PCDH7: variants seen among roughly 807,000 people sequenced by gnomAD.
The protein encoded by PCDH7 is protocadherin-7.
In PCDH7, 17 loss-of-function variants were observed where a neutral mutation model predicts 58.9. That is an observed-to-expected ratio of 0.29 (90% CI 0.20 to 0.43). PCDH7 has a LOEUF of 0.43. Among genes scored for constraint, PCDH7 ranks in the 20% least tolerant of loss-of-function variants. The probability of loss-of-function intolerance (pLI) is 1.00; values close to 1 mark genes in which losing one functional copy is unlikely to be tolerated. For synonymous variants in PCDH7, 664 were observed against 616.4 expected, an observed-to-expected ratio of 1.08 and a Z score of -1.14; for missense variants, 1,274 against 1,441.0, an observed-to-expected ratio of 0.88 and a Z score of 1.88.
chr4:31,097,520 G>A lies in PCDH7; in HGVS notation c.*8-44953G>A, dbSNP rs145571351. 6.5e-5 allele frequency among the ~76,000 whole-genome samples: 8 copies of A among 123,708 alleles called. 1 individual carries two copies. The highest frequency in any genetic ancestry group is 2.7e-4 in the South Asian group (1 of 3,740). 81.2% of individuals were successfully genotyped at this position (123,708 alleles called of 152,430 possible). The stretch of plus-strand genomic sequence containing the variant: ...AGAAAGAAAGAAAGAGAGAAAGAAA[G>A]AAGAAAGAAAGAAAGAAAGAAAGAT... On this transcript the variant is annotated intron_variant, in intron 3 of 3. Transcript: ENST00000509759.
At chr4:31,026,856 A>G (rs6448734) in intron 3 of PCDH7, among the ~76,000 whole-genome samples, 52,179 of 152,086 alleles carry the variant, frequency 0.34, 11,737 homozygotes, top group African/African-American at 0.63. Context: ...AAAGAAATGC[A>G]TTCAGTGATG....
intron 3 of PCDH7, among the ~76,000 whole-genome samples, chr4:30,976,945 G>A (rs2109480596): frequency 6.6e-6 from 1 of 152,226 alleles, no homozygotes; most frequent in African/African-American, 2.4e-5. Context: ...CATTTACCCA[G>A]TTGTCTCATA....
chr4:30,774,846 A>G (rs1258535377), intron 1 of PCDH7, among the ~76,000 whole-genome samples: 1 of 152,196 alleles, frequency 6.6e-6, no homozygotes, highest in Non-Finnish European at 1.5e-5. Context: ...TTCTTAATCT[A>G]TAGATTGGAG....
chr4:30,943,759 G>A (rs973372750), intron 2 of PCDH7, among the ~76,000 whole-genome samples: 1 of 149,496 alleles, frequency 6.7e-6, no homozygotes, highest in African/African-American at 2.5e-5. Flanking sequence ...TATCATTACT[G>A]TTAGTGTATT....
chr4:30,907,815 G>A lies in PCDH7; in HGVS notation c.71-12338G>A, dbSNP rs566429513. ...CACATGCACACGTATGTTTATTGCG[G>A]CACTACTCACAATAGCAAAGACTTG... is the stretch of plus-strand genomic sequence containing the variant. On this transcript the variant is annotated intron_variant, in intron 1 of 3. Transcript: ENST00000509759. Among the ~76,000 whole-genome samples, 12 of 152,174 alleles carry A rather than the reference G, an allele frequency of 7.9e-5. No homozygotes were observed. The South Asian group carries it at 2.5e-3, about 32-fold the overall frequency.
chr4:30,926,653 C>T (rs1743914602), intron 2 of PCDH7, among the ~76,000 whole-genome samples: 1 of 152,126 alleles, frequency 6.6e-6, no homozygotes, highest in African/African-American at 2.4e-5. Flanking sequence ...GGGTAGTACT[C>T]ATGACTAGTG....
intron 3 of PCDH7, among the ~76,000 whole-genome samples, chr4:31,095,852 T>C (rs1713904059): frequency 6.6e-6 from 1 of 152,222 alleles, no homozygotes; most frequent in South Asian, 2.1e-4. Flanking sequence ...TGTTGTTTCA[T>C]ACTTGACTGT....
chr4:30,894,516 T>TATATATACACAC (rs1400204196), intron 1 of PCDH7, among the ~76,000 whole-genome samples: 1 of 32,202 alleles, frequency 3.1e-5, no homozygotes, highest in Non-Finnish European at 5.1e-5. Context: ...TATATATATA[T>TATATATACACAC]ACACACACAC....
At chr4:31,142,907 AAAACCTTAC>A in exon 4 of PCDH7, 1 of 1,233,390 alleles carries the variant, frequency 8.1e-7, no homozygotes, top group Non-Finnish European at 1.1e-6. Flanking sequence ...ATAAGGGGCA[AAAACCTTAC>A]AAAGCAAAAC....
At chr4:31,022,682 C>A (rs1201997293) in intron 3 of PCDH7, among the ~76,000 whole-genome samples, 2 of 151,994 alleles carry the variant, frequency 1.3e-5, no homozygotes, top group South Asian at 4.1e-4. Flanking sequence ...TTCAGTTTTT[C>A]CATAGAAAAA....
chr4:30,769,376 G>A (rs969940181), intron 1 of PCDH7, among the ~76,000 whole-genome samples: 4 of 152,258 alleles, frequency 2.6e-5, no homozygotes, highest in African/African-American at 4.8e-5. Flanking sequence ...CAGCTATCTC[G>A]TTCCCATCTG....
chr4:30,780,344 T>C (rs959381301), intron 1 of PCDH7, among the ~76,000 whole-genome samples: 13 of 151,870 alleles, frequency 8.6e-5, no homozygotes, highest in African/African-American at 2.7e-4. Context: ...CCATCTCTAC[T>C]AAAAATACAA....
rs558452322 is a variant in PCDH7 at position 30,970,377 on chromosome 4, C to T, written c.*7+20162C>T. On this transcript the variant is annotated intron_variant, in intron 3 of 3. Transcript: ENST00000509759. The stretch of plus-strand genomic sequence containing the variant: ...TGGCACGATCTCGGCTCACTGCAAG[C>T]TCCCCCTGCCGTGTTCACGCCATTC... 2.6e-5 allele frequency among the ~76,000 whole-genome samples: 4 copies of T among 152,012 alleles called. No individual in the cohort carries two copies. In the South Asian group the frequency reaches 8.3e-4, roughly 32 times the overall value.
chr4:31,079,309 G>T (rs1430448645), intron 3 of PCDH7, among the ~76,000 whole-genome samples: 2 of 67,468 alleles, frequency 3.0e-5, no homozygotes, highest in African/African-American at 4.7e-5. Flanking sequence ...AATACTGGAA[G>T]ATATATATAT....
At chr4:30,965,165 G>GTA (rs1364172469) in intron 3 of PCDH7, among the ~76,000 whole-genome samples, 1 of 152,010 alleles carries the variant, frequency 6.6e-6, no homozygotes, top group Non-Finnish European at 1.5e-5. Context: ...GGTCTTTAAG[G>GTA]TATAGTAATT....
At chr4:30,851,586 T>C (rs975126668) in intron 1 of PCDH7, among the ~76,000 whole-genome samples, 44 of 152,080 alleles carry the variant, frequency 2.9e-4, no homozygotes, top group African/African-American at 1.0e-3. Flanking sequence ...ATCTCTGAGC[T>C]TCAGTTGCTT....
intron 3 of PCDH7, among the ~76,000 whole-genome samples, chr4:31,068,395 C>T (rs576879945): frequency 1.3e-5 from 2 of 151,984 alleles, no homozygotes; most frequent in South Asian, 2.1e-4. Context: ...CAAAAATTCC[C>T]GCACAGCAAG....
intron 1 of PCDH7, among the ~76,000 whole-genome samples, chr4:30,751,476 T>C (rs2109258609): frequency 6.6e-6 from 1 of 152,312 alleles, no homozygotes; most frequent in Middle Eastern, 3.4e-3. Flanking sequence ...TTGGAAAATA[T>C]TTCTTATATC....
chr4:31,088,740 C>T (rs910540545), intron 3 of PCDH7, among the ~76,000 whole-genome samples: 3 of 151,894 alleles, frequency 2.0e-5, no homozygotes, highest in Admixed American at 1.3e-4. Context: ...AGTGCATCTG[C>T]TCTCTTAGAA....
Sources: allele counts gnomAD v4.1 joint callset (sites outside exome capture counted in the v4.1 genomes callset), GRCh38; gene constraint gnomAD v4.1.1; transcripts MANE v1.5; gene names NCBI Gene and HGNC (gene_info 2026-07-23, HGNC 2026-07-21).